SHC4: variants seen among roughly 807,000 people sequenced by gnomAD.
SHC4 encodes SHC adaptor protein 4.
Under a neutral mutation model 69.4 loss-of-function variants are expected in SHC4, and 41 were observed. That is an observed-to-expected ratio of 0.59 (90% CI 0.46 to 0.77). The LOEUF is 0.77. Ranked by LOEUF, SHC4 falls within the 30% of genes least tolerant of loss-of-function variation. SHC4 has a pLI of 0.00. For missense variants in SHC4, 777 were observed against 783.8 expected, an observed-to-expected ratio of 0.99 and a Z score of 0.10; for synonymous variants, 318 against 299.3, an observed-to-expected ratio of 1.06 and a Z score of -0.64.
At chr15:48,873,525 A>C (rs1456124816) in intron 4 of SHC4, among the ~76,000 whole-genome samples, 1 of 152,194 alleles carries the variant, frequency 6.6e-6, no homozygotes, top group Non-Finnish European at 1.5e-5. Flanking sequence ...CGGGCGGATC[A>C]TGAGGTCAGG....
At position 48,884,353 on chromosome 15, in the gene SHC4, G is replaced by A; in HGVS notation, c.735C>T (p.Phe245=). The change falls in exon 4 of 12, where the codon TTC becomes TTT. Residue 245 remains phenylalanine, a synonymous_variant. Transcript: ENST00000332408. ...TACTTTTGCCAAGGACTGTTGATAGGAACTTAACTGGAGGCTTTAAAAATT... is the reference window on the plus strand; with the variant it reads ...TACTTTTGCCAAGGACTGTTGATAGAAACTTAACTGGAGGCTTTAAAAATT... ...AIKKRKPPVK[F]LSTVLGKSNL... is the part of the protein sequence containing the mutation. 1 of 1,598,280 alleles carries A rather than the reference G, an allele frequency of 6.3e-7. No homozygotes were observed. The highest frequency in any genetic ancestry group is 8.5e-7 in the Non-Finnish European group (1 of 1,175,042).
At chr15:48,946,432 A>C in intron 1 of SHC4, 1 of 359,588 alleles carries the variant, frequency 2.8e-6, no homozygotes, top group Non-Finnish European at 3.9e-6. Context: ...TCCCACAGCA[A>C]TGCCCACGTC....
intron 2 of SHC4, among the ~76,000 whole-genome samples, chr15:48,911,432 CTACTCGT>C (rs1429981062): frequency 6.6e-6 from 1 of 152,114 alleles, no homozygotes; most frequent in Non-Finnish European, 1.5e-5. Context: ...TTTTCCTACC[CTACTCGT>C]TACTTTATGT....
chr15:48,932,174 C>T (rs934854404), intron 1 of SHC4, among the ~76,000 whole-genome samples: 3 of 152,058 alleles, frequency 2.0e-5, no homozygotes, highest in African/African-American at 7.2e-5. Flanking sequence ...GTTATCATTC[C>T]GTCCGATCCC....
chr15:48,893,655 C>G (rs1051331342), intron 2 of SHC4, among the ~76,000 whole-genome samples: 2 of 152,124 alleles, frequency 1.3e-5, no homozygotes, highest in African/African-American at 4.8e-5. Context: ...ATTAAAACAA[C>G]AAGATACTTC....
intron 6 of SHC4, among the ~76,000 whole-genome samples, chr15:48,867,067 G>A (rs1899574764): frequency 6.6e-6 from 1 of 152,186 alleles, no homozygotes; most frequent in Non-Finnish European, 1.5e-5. Flanking sequence ...GCGAGTAAGA[G>A]AAACAGGTTC....
At chr15:48,826,305 G>GT (rs1298216510) in intron 11 of SHC4, among the ~76,000 whole-genome samples, 179 bp from the exon 12 acceptor site, 3 of 149,930 alleles carry the variant, frequency 2.0e-5, no homozygotes, top group Non-Finnish European at 4.4e-5. Flanking sequence ...AGGTTAGAGT[G>GT]TAGTGGCACG....
chr15:48,923,952 A>G (rs1804289341), intron 2 of SHC4, among the ~76,000 whole-genome samples: 1 of 152,170 alleles, frequency 6.6e-6, no homozygotes, highest in South Asian at 2.1e-4. Flanking sequence ...AGAGTCTTCA[A>G]TATACTATTG....
chr15:48,875,223 C>G (rs1156375199), intron 4 of SHC4, among the ~76,000 whole-genome samples: 3 of 152,228 alleles, frequency 2.0e-5, no homozygotes, highest in African/African-American at 7.2e-5. Context: ...GCCTTCTAAA[C>G]TGCTTTGTCA....
At chr15:48,828,115 G>A (rs369082813) in intron 11 of SHC4, among the ~76,000 whole-genome samples, 105 of 75,258 alleles carry the variant, frequency 1.4e-3, no homozygotes, top group African/African-American at 2.7e-3. Flanking sequence ...GTGTGTGTGT[G>A]TATATATATA....
At chr15:48,929,253 C>T (rs540057512) in intron 1 of SHC4, among the ~76,000 whole-genome samples, 84 of 152,128 alleles carry the variant, frequency 5.5e-4, no homozygotes, top group Admixed American at 3.3e-4. Context: ...TATCAAGGCC[C>T]GAGAGAGGAG....
At chr15:48,946,534 G>C (rs1226484974) in intron 1 of SHC4, 3 of 960,792 alleles carry the variant, frequency 3.1e-6, no homozygotes, top group East Asian at 2.3e-4. Flanking sequence ...TTAAGTGACA[G>C]CCTAGTTGTA....
chr15:48,880,985 A>AGTGTGT (rs10523567), intron 4 of SHC4, among the ~76,000 whole-genome samples: 155 of 146,078 alleles, frequency 1.1e-3, no homozygotes, highest in East Asian at 3.6e-3. Flanking sequence ...TGTGTGTGAG[A>AGTGTGT]GTGTGTGTGT....
intron 9 of SHC4, among the ~76,000 whole-genome samples, chr15:48,848,454 C>T (rs967878481): frequency 6.6e-6 from 1 of 152,166 alleles, no homozygotes; most frequent in African/African-American, 2.4e-5. Context: ...ATAGAACTTT[C>T]TATTGTTTTA....
At chr15:48,830,772 T>C (rs900000858) in intron 11 of SHC4, among the ~76,000 whole-genome samples, 2 of 152,118 alleles carry the variant, frequency 1.3e-5, no homozygotes, top group Non-Finnish European at 2.9e-5. Context: ...AGCAAATCTA[T>C]GATGAAAAAA....
intron 2 of SHC4, among the ~76,000 whole-genome samples, chr15:48,891,047 C>G (rs915102727): frequency 3.3e-5 from 5 of 152,144 alleles, no homozygotes; most frequent in African/African-American, 1.2e-4. Context: ...CTCTACTATT[C>G]GCTTTTTTCA....
chr15:48,877,346 A>G (rs2140997695), intron 4 of SHC4: 1 of 713,168 alleles, frequency 1.4e-6, no homozygotes, highest in African/African-American at 1.9e-5. Flanking sequence ...TAATGTAATA[A>G]TAATAGAAAT....
rs117086558 is a variant in SHC4, at chr15:48,833,816, A to G, written c.1737+953T>C. ...CTGAGCTATGCTGATTTGGGTAAGG[A>G]GATGATGCAGATAAAGTGAAATTGT... On this transcript the variant is annotated intron_variant, in intron 11 of 11. Coordinates refer to ENST00000332408, the MANE Select transcript of SHC4 (RefSeq NM_203349.4). 5.2e-3 allele frequency among the ~76,000 whole-genome samples: 785 copies of G among 152,300 alleles called. 2 individuals carry two copies. Among genetic ancestry groups the G allele is most frequent in the Non-Finnish European group, 8.5e-3 (581 of 68,018 alleles).
chr15:48,880,197 ATT>A (rs1210709911), intron 4 of SHC4: 1 of 166,906 alleles, frequency 6.0e-6, no homozygotes, highest in Non-Finnish European at 1.5e-5. Flanking sequence ...AGCCTTATTT[ATT>A]TTATGGTCAT....
Sources: allele counts gnomAD v4.1 joint callset (sites outside exome capture counted in the v4.1 genomes callset), GRCh38; gene constraint gnomAD v4.1.1; transcripts MANE v1.5; gene names NCBI Gene and HGNC (gene_info 2026-07-23, HGNC 2026-07-21).